The following TBC1D19 variants were observed in gnomAD, a reference collection of about 807,000 sequenced individuals.
The protein encoded by TBC1D19 is TBC1 domain family, member 19.
Under a neutral mutation model 89.0 loss-of-function variants are expected in TBC1D19, and 60 were observed. That is an observed-to-expected ratio of 0.67 (90% CI 0.55 to 0.84). The LOEUF (loss-of-function observed/expected upper bound fraction) is 0.84. Ranked by LOEUF, TBC1D19 falls within the 40% of genes least tolerant of loss-of-function variation. The pLI, the probability that TBC1D19 is intolerant of heterozygous loss-of-function variation, is 0.00. For synonymous variants in TBC1D19, 189 were observed against 199.7 expected (o/e 0.95, Z 0.45); for missense variants, 500 against 610.8 (o/e 0.82, Z 1.91).
the TBC1D19 span, among the ~76,000 whole-genome samples, chr4:26,840,994 G>A: frequency 6.6e-6 from 1 of 151,994 alleles, no homozygotes; most frequent in Non-Finnish European, 1.5e-5. Flanking sequence ...ACCCTGGCAG[G>A]AAGCTGAGTG....
At chr4:26,706,903 C>T (rs554835921) in intron 13 of TBC1D19, among the ~76,000 whole-genome samples, 2 of 151,980 alleles carry the variant, frequency 1.3e-5, no homozygotes, top group East Asian at 3.9e-4. Context: ...TTTGTATCAT[C>T]TCTGTTTTTT....
chr4:26,580,828 G>C (rs1382376076), upstream of TBC1D19, among the ~76,000 whole-genome samples: 1 of 152,176 alleles, frequency 6.6e-6, no homozygotes, highest in African/African-American at 2.4e-5. Context: ...CTGGCAGGTT[G>C]TTTTTAATGC....
At chr4:26,632,616 G>A (rs1010694511) in intron 4 of TBC1D19, among the ~76,000 whole-genome samples, 12 of 152,040 alleles carry the variant, frequency 7.9e-5, no homozygotes, top group African/African-American at 2.7e-4. Context: ...GGATACAGGA[G>A]AGGCAGGCAC....
intron 3 of TBC1D19, among the ~76,000 whole-genome samples, chr4:26,617,954 A>G (rs1304707116): frequency 3.9e-5 from 6 of 152,246 alleles, no homozygotes; most frequent in Non-Finnish European, 8.8e-5. Context: ...GAAGGATGTT[A>G]GATAATGGAT....
At chr4:26,594,331 G>T (rs1740046431) in intron 1 of TBC1D19, among the ~76,000 whole-genome samples, 1 of 152,074 alleles carries the variant, frequency 6.6e-6, no homozygotes, top group South Asian at 2.1e-4. Context: ...CACACACGGA[G>T]GCCTGTTGTG....
At chr4:26,698,676 T>C (rs1715032914) in intron 13 of TBC1D19, among the ~76,000 whole-genome samples, 1 of 152,016 alleles carries the variant, frequency 6.6e-6, no homozygotes, top group Non-Finnish European at 1.5e-5. Flanking sequence ...TATAGACCAA[T>C]GGAACAGAAC....
intron 1 of TBC1D19, among the ~76,000 whole-genome samples, chr4:26,594,946 T>G (rs1368750606): frequency 6.6e-6 from 1 of 152,254 alleles, no homozygotes; most frequent in Non-Finnish European, 1.5e-5. Context: ...TCAGCCATGT[T>G]AGGTAAATAC....
chr4:26,789,242 C>G, the TBC1D19 span, among the ~76,000 whole-genome samples: 1 of 152,144 alleles, frequency 6.6e-6, no homozygotes, highest in Non-Finnish European at 1.5e-5. Context: ...CAATTAAAAC[C>G]AATTCCTGGC....
chr4:26,709,754 T>TAA (rs1560488334), intron 13 of TBC1D19, among the ~76,000 whole-genome samples: 1 of 151,968 alleles, frequency 6.6e-6, no homozygotes, highest in Non-Finnish European at 1.5e-5. Flanking sequence ...CTAAAATAAT[T>TAA]ACAGCAGACA....
At chr4:26,644,754 CACAA>C (rs1333503162) in intron 7 of TBC1D19, among the ~76,000 whole-genome samples, 1 of 152,158 alleles carries the variant, frequency 6.6e-6, no homozygotes, top group Non-Finnish European at 1.5e-5. Context: ...GTGCAAAAAT[CACAA>C]ACATTCTTAT....
chr4:26,600,721 C>T (rs1333484851), intron 1 of TBC1D19, among the ~76,000 whole-genome samples: 2 of 152,146 alleles, frequency 1.3e-5, no homozygotes, highest in African/African-American at 2.4e-5. Flanking sequence ...GTGAGGGATC[C>T]ATCCTCAGGT....
intron 7 of TBC1D19, among the ~76,000 whole-genome samples, chr4:26,652,667 A>C (rs1462906966): frequency 4.6e-5 from 7 of 152,180 alleles, no homozygotes; most frequent in Admixed American, 2.0e-4. Context: ...AGGTGTTTAT[A>C]GTATTCTCTG....
the TBC1D19 span, among the ~76,000 whole-genome samples, chr4:26,772,273 G>A: frequency 6.6e-6 from 1 of 152,122 alleles, no homozygotes; most frequent in African/African-American, 2.4e-5. Context: ...CAGGTCTCAA[G>A]GGAGGAAGCT....
chr4:26,698,365 A>T (rs1486309266), intron 13 of TBC1D19, among the ~76,000 whole-genome samples: 1 of 152,204 alleles, frequency 6.6e-6, no homozygotes, highest in Non-Finnish European at 1.5e-5. Context: ...ATAAAAGAGG[A>T]TATAAACAAA....
the TBC1D19 span, among the ~76,000 whole-genome samples, chr4:26,793,522 C>T: frequency 7.0e-4 from 106 of 152,014 alleles, no homozygotes; most frequent in South Asian, 5.4e-3. Flanking sequence ...GTCAGGAGTT[C>T]GAGACCAGCC....
intron 13 of TBC1D19, among the ~76,000 whole-genome samples, chr4:26,710,278 G>T (rs1180818045): frequency 6.6e-5 from 10 of 151,926 alleles, no homozygotes; most frequent in Non-Finnish European, 1.3e-4. Flanking sequence ...GAGAACATGC[G>T]GTGTTTGGTT....
At chr4:26,709,929 C>T (rs1242016842) in intron 13 of TBC1D19, among the ~76,000 whole-genome samples, 1 of 151,956 alleles carries the variant, frequency 6.6e-6, no homozygotes, top group African/African-American at 2.4e-5. Context: ...GATCCCAAGC[C>T]CATACAGCTA....
At chr4:26,801,572 G>A in the TBC1D19 span, among the ~76,000 whole-genome samples, 1 of 152,098 alleles carries the variant, frequency 6.6e-6, no homozygotes, top group Non-Finnish European at 1.5e-5. Flanking sequence ...GATGGGGATG[G>A]TATTGAATCT....
chr4:26,715,722 A>C (rs1170086589), intron 13 of TBC1D19, among the ~76,000 whole-genome samples: 1 of 152,024 alleles, frequency 6.6e-6, no homozygotes, highest in Non-Finnish European at 1.5e-5. Context: ...TGTGACCTTG[A>C]TATTTGAGCA....
Sources: allele counts gnomAD v4.1 joint callset (sites outside exome capture counted in the v4.1 genomes callset), GRCh38; gene constraint gnomAD v4.1.1; transcripts MANE v1.5; gene names NCBI Gene and HGNC (gene_info 2026-07-23, HGNC 2026-07-21).